Variants in TAFA1 observed in about 807,000 individuals in gnomAD.
The protein encoded by TAFA1 is TAFA chemokine like family member 1, also known as chemokine-like protein TAFA-1.
Under a neutral mutation model 18.5 loss-of-function variants are expected in TAFA1, and 4 were observed. The observed-to-expected ratio is 0.22, with a 90% CI of 0.11 to 0.49. TAFA1 has a LOEUF of 0.49. Ranked by LOEUF, TAFA1 falls within the 20% of genes least tolerant of loss-of-function variation. The pLI, the probability that TAFA1 is intolerant of heterozygous loss-of-function variation, is 0.98. For synonymous variants in TAFA1, 56 were observed against 55.2 expected (o/e 1.01, Z -0.06); for missense variants, 147 against 169.0 (o/e 0.87, Z 0.72).
intron 2 of TAFA1, among the ~76,000 whole-genome samples, chr3:68,266,273 A>G (rs1432932928): frequency 6.6e-6 from 1 of 152,306 alleles, no homozygotes; most frequent in East Asian, 1.9e-4. Flanking sequence ...TAGAGAGTGA[A>G]GCTTGATCTT....
chr3:68,533,286 T>C (rs554477785), intron 3 of TAFA1, among the ~76,000 whole-genome samples: 12 of 152,194 alleles, frequency 7.9e-5, no homozygotes, highest in Non-Finnish European at 7.4e-5. Flanking sequence ...GCACATCTTA[T>C]ATGGTGCTGG....
intron 2 of TAFA1, among the ~76,000 whole-genome samples, chr3:68,391,641 A>G (rs759305830): frequency 2.6e-5 from 4 of 152,240 alleles, no homozygotes; most frequent in Non-Finnish European, 5.9e-5. Flanking sequence ...AGGGAAGCCC[A>G]CCAGACTAAC....
intron 2 of TAFA1, among the ~76,000 whole-genome samples, chr3:68,060,716 T>A (rs1420685852): frequency 6.6e-6 from 1 of 152,160 alleles, no homozygotes; most frequent in Non-Finnish European, 1.5e-5. Flanking sequence ...TTGTCATGGA[T>A]GTCACGTACA....
chr3:68,171,405 C>G (rs1215638896), intron 2 of TAFA1, among the ~76,000 whole-genome samples: 1 of 152,130 alleles, frequency 6.6e-6, no homozygotes, highest in Non-Finnish European at 1.5e-5. Flanking sequence ...GACTTATAAC[C>G]AGCAGAACTT....
intron 2 of TAFA1, among the ~76,000 whole-genome samples, chr3:68,168,380 G>C (rs1299784183): frequency 6.6e-6 from 1 of 152,186 alleles, no homozygotes; most frequent in African/African-American, 2.4e-5. Flanking sequence ...GTCAGAATGT[G>C]TATTTAGTAA....
intron 2 of TAFA1, among the ~76,000 whole-genome samples, chr3:68,177,863 G>A (rs1240028464): frequency 1.3e-5 from 2 of 152,090 alleles, no homozygotes; most frequent in Admixed American, 1.3e-4. Flanking sequence ...CTTAACCCTG[G>A]GCTGGGCATG....
intron 3 of TAFA1, among the ~76,000 whole-genome samples, chr3:68,485,303 C>T (rs1389140783): frequency 2.0e-5 from 3 of 152,182 alleles, no homozygotes; most frequent in Non-Finnish European, 4.4e-5. Context: ...TTCAAAACAA[C>T]CCACTTGTTT....
At chr3:68,543,437 G>C (rs533689138) in intron 4 of TAFA1, among the ~76,000 whole-genome samples, 47 of 152,226 alleles carry the variant, frequency 3.1e-4, no homozygotes, top group Non-Finnish European at 5.6e-4. Context: ...TCTCAGACTA[G>C]TGAGAAAATC....
At chr3:68,136,392 A>G (rs148460481) in intron 2 of TAFA1, among the ~76,000 whole-genome samples, 1,998 of 152,330 alleles carry the variant, frequency 0.013, 50 homozygotes, top group African/African-American at 0.046. Flanking sequence ...GCTGTAAAGT[A>G]AAGGTACACC....
chr3:68,319,595 T>A, intron 2 of TAFA1, among the ~76,000 whole-genome samples: 1 of 152,386 alleles, frequency 6.6e-6, no homozygotes, highest in East Asian at 1.9e-4. Context: ...GTCACATGGA[T>A]ACGCATTGCT....
intron 2 of TAFA1, among the ~76,000 whole-genome samples, chr3:68,128,296 A>G (rs2065494954): frequency 6.6e-6 from 1 of 152,160 alleles, no homozygotes; most frequent in Non-Finnish European, 1.5e-5. Context: ...TTCAGTTCTA[A>G]GCAAGACCAT....
At chr3:68,188,584 A>T (rs2066299440) in intron 2 of TAFA1, among the ~76,000 whole-genome samples, 1 of 151,180 alleles carries the variant, frequency 6.6e-6, no homozygotes, top group Admixed American at 6.6e-5. Flanking sequence ...TTATGTATTT[A>T]TAACAATTTG....
At chr3:68,355,108 T>G (rs1189960360) in intron 2 of TAFA1, among the ~76,000 whole-genome samples, 2 of 151,916 alleles carry the variant, frequency 1.3e-5, no homozygotes, top group African/African-American at 4.8e-5. Context: ...TGGGAAGTGG[T>G]GTTTGGTAGC....
At chr3:68,204,382 G>T (rs551437646) in intron 2 of TAFA1, among the ~76,000 whole-genome samples, 17 of 151,794 alleles carry the variant, frequency 1.1e-4, no homozygotes, top group Middle Eastern at 3.4e-3. Context: ...ACTTACACTG[G>T]CCTTTTGGTT....
At chr3:68,028,983 G>T (rs1186177397) in intron 2 of TAFA1, among the ~76,000 whole-genome samples, 3 of 151,918 alleles carry the variant, frequency 2.0e-5, no homozygotes, top group Non-Finnish European at 2.9e-5. Context: ...GAACTCCTGA[G>T]CTGAAGCTAT....
At chr3:68,301,324 T>C (rs2068300008) in intron 2 of TAFA1, among the ~76,000 whole-genome samples, 1 of 152,200 alleles carries the variant, frequency 6.6e-6, no homozygotes, top group African/African-American at 2.4e-5. Flanking sequence ...TCATTTATCT[T>C]GTTGGAGATC....
At chr3:68,266,149 G>A (rs932468363) in intron 2 of TAFA1, among the ~76,000 whole-genome samples, 3 of 152,130 alleles carry the variant, frequency 2.0e-5, no homozygotes, top group African/African-American at 7.2e-5. Context: ...CAGTGTTCAG[G>A]CTGAGTTGAG....
At chr3:68,095,583 C>T (rs981128430) in intron 2 of TAFA1, among the ~76,000 whole-genome samples, 5 of 151,984 alleles carry the variant, frequency 3.3e-5, no homozygotes, top group Non-Finnish European at 5.9e-5. Flanking sequence ...ATTTAGCTTC[C>T]CAAAATATGG....
chr3:68,118,591 C>T (rs539122682), intron 2 of TAFA1, among the ~76,000 whole-genome samples: 3 of 152,286 alleles, frequency 2.0e-5, no homozygotes, highest in African/African-American at 7.2e-5. Context: ...CATTCGACTA[C>T]TGTAGACACT....
Sources: allele counts gnomAD v4.1 joint callset (sites outside exome capture counted in the v4.1 genomes callset), GRCh38; gene constraint gnomAD v4.1.1; transcripts MANE v1.5; gene names NCBI Gene and HGNC (gene_info 2026-07-23, HGNC 2026-07-21).